Variants in SLCO3A1 observed in about 807,000 individuals in gnomAD.
SLCO3A1 encodes the protein solute carrier organic anion transporter family member 3A1, also known as PGE1 transporter.
In SLCO3A1, 27 loss-of-function variants were observed where a neutral mutation model predicts 63.1. The ratio of observed to expected loss-of-function variants is 0.43; its 90% CI spans 0.32 to 0.59. The LOEUF (loss-of-function observed/expected upper bound fraction) is 0.59. Ranked by LOEUF, SLCO3A1 falls within the 20% of genes least tolerant of loss-of-function variation. The pLI is 0.09. For synonymous variants in SLCO3A1, 473 were observed against 409.9 expected (o/e 1.15, Z -1.86); for missense variants, 773 against 945.8 (o/e 0.82, Z 2.40).
At chr15:91,919,377 G>A (rs577053567) in intron 2 of SLCO3A1, among the ~76,000 whole-genome samples, 1 of 152,330 alleles carries the variant, frequency 6.6e-6, no homozygotes, top group Non-Finnish European at 1.5e-5. Flanking sequence ...GGAGCCAAGG[G>A]AGCTCATTAC....
At chr15:92,115,703 A>T (rs16974269) in intron 4 of SLCO3A1, among the ~76,000 whole-genome samples, 27,146 of 150,338 alleles carry the variant, frequency 0.18, 3,581 homozygotes, top group East Asian at 0.68. Context: ...ATTTTATACA[A>T]CCTCATTCAG....
chr15:92,152,814 T>C (rs1455193133), intron 9 of SLCO3A1, among the ~76,000 whole-genome samples: 2 of 152,198 alleles, frequency 1.3e-5, no homozygotes, highest in Admixed American at 6.5e-5. Flanking sequence ...GTAAGTGACC[T>C]CAGCTCTGCC....
intron 2 of SLCO3A1, among the ~76,000 whole-genome samples, chr15:91,965,532 C>A (rs1031702395): frequency 6.6e-6 from 1 of 152,188 alleles, no homozygotes; most frequent in East Asian, 1.9e-4. Context: ...ACTCCCACCC[C>A]ACCCCCTAAC....
chr15:91,929,398 G>A (rs1899144071), intron 2 of SLCO3A1, among the ~76,000 whole-genome samples: 1 of 152,194 alleles, frequency 6.6e-6, no homozygotes. Flanking sequence ...TCCATCTTGG[G>A]GAGTGAAGAG....
intron 7 of SLCO3A1, among the ~76,000 whole-genome samples, chr15:92,131,177 C>G (rs546646540): frequency 8.6e-4 from 131 of 152,156 alleles, no homozygotes; most frequent in Non-Finnish European, 1.5e-3. Flanking sequence ...AATGTAGGGT[C>G]TGTCCAATGT....
Position 92,150,985 on chromosome 15 carries a change from G to T in SLCO3A1, c.1724G>T (p.Gly575Val). The T allele has an allele frequency of 6.2e-7, 1 of 1,613,230 alleles. No individual in the cohort carries two copies. The highest frequency in any genetic ancestry group is 8.5e-7 in the Non-Finnish European group (1 of 1,179,626). The change falls in exon 9 of 10, where the codon GGA (glycine) becomes GTA (valine). Residue 575 changes from glycine (G) to valine (V), a missense_variant. Transcript: ENST00000318445. ...CCTGAACTCAAGTCTTACGCTTTGG[G>T]AGTTCTTTTTCTCCTCCTTCGTTTG... ...VSPELKSYAL[G>V]VLFLLLRLLG...
intron 2 of SLCO3A1, among the ~76,000 whole-genome samples, chr15:92,093,576 C>T (rs948999338): frequency 6.6e-6 from 1 of 152,094 alleles, no homozygotes; most frequent in Non-Finnish European, 1.5e-5. Context: ...ATTTGCCTTC[C>T]TCTGTGTAGT....
intron 7 of SLCO3A1, among the ~76,000 whole-genome samples, chr15:92,139,703 A>G (rs1277859014): frequency 2.0e-5 from 3 of 152,164 alleles, no homozygotes; most frequent in Admixed American, 6.5e-5. Flanking sequence ...GTTTAGTCTC[A>G]GGAGAGTGTA....
chr15:91,861,800 T>A (rs1230364836), intron 1 of SLCO3A1, among the ~76,000 whole-genome samples: 1 of 149,058 alleles, frequency 6.7e-6, no homozygotes, highest in Non-Finnish European at 1.5e-5. Context: ...GTTTTCTTAT[T>A]TTTTTTTTTG....
chr15:92,163,150 C>T lies in SLCO3A1; in HGVS notation c.*15C>T. 1.3e-6 allele frequency: 2 copies of T among 1,495,598 alleles called. No individual in the cohort carries two copies. Among genetic ancestry groups the T allele is most frequent in the South Asian group, 1.4e-5 (1 of 71,444 alleles). The allele number at this position is 1,495,598 out of a possible 1,614,324, so 92.6% of individuals were successfully genotyped here. On this transcript the variant is annotated 3_prime_UTR_variant, in exon 10 of 10. Coordinates refer to ENST00000318445, the MANE Select transcript of SLCO3A1 (RefSeq NM_013272.4). ...CCGTTTTATAGTGACTAAAGGAGGG[C>T]TGAACTCTGTATTAGTAATCCAAGG...
chr15:91,963,412 G>GAGGT, intron 2 of SLCO3A1, among the ~76,000 whole-genome samples: 1 of 58,228 alleles, frequency 1.7e-5, no homozygotes, highest in Non-Finnish European at 3.3e-5. Context: ...GGAGGGTGGG[G>GAGGT]GGGGGGGGCG....
intron 9 of SLCO3A1, among the ~76,000 whole-genome samples, chr15:92,158,790 G>C (rs873122): frequency 0.76 from 115,970 of 152,236 alleles, 44,788 homozygotes; most frequent in African/African-American, 0.89. Context: ...CTCTGGTATT[G>C]TCCGCACACC....
At chr15:91,923,424 C>G (rs1020658862) in intron 2 of SLCO3A1, among the ~76,000 whole-genome samples, 4 of 152,206 alleles carry the variant, frequency 2.6e-5, no homozygotes. Context: ...CAGCGCTCTT[C>G]TTTTCCTGAA....
intron 1 of SLCO3A1, chr15:91,889,074 C>A (rs1897803233): frequency 6.8e-6 from 6 of 888,128 alleles, no homozygotes; most frequent in East Asian, 9.7e-5. Context: ...TAACATATAG[C>A]TAACATTTGT....
At chr15:91,878,085 C>CTTTTTT (rs757889262) in intron 1 of SLCO3A1, among the ~76,000 whole-genome samples, 1 of 119,850 alleles carries the variant, frequency 8.3e-6, no homozygotes, top group Non-Finnish European at 1.7e-5. Context: ...GGATTTAGGC[C>CTTTTTT]TTTTTTTTTT....
chr15:92,159,292 C>G (rs2048407780), intron 9 of SLCO3A1, among the ~76,000 whole-genome samples: 1 of 152,116 alleles, frequency 6.6e-6, no homozygotes, highest in African/African-American at 2.4e-5. Flanking sequence ...CGAGACCATC[C>G]TGGCCAACAT....
At chr15:92,150,211 C>T (rs142514297) in intron 8 of SLCO3A1, among the ~76,000 whole-genome samples, 1 of 152,244 alleles carries the variant, frequency 6.6e-6, no homozygotes, top group African/African-American at 2.4e-5. Context: ...AGGCTAGGCC[C>T]ATCTGGTCTT....
chr15:92,000,882 A>C (rs1189424276), intron 2 of SLCO3A1, among the ~76,000 whole-genome samples: 1 of 152,144 alleles, frequency 6.6e-6, no homozygotes, highest in Non-Finnish European at 1.5e-5. Flanking sequence ...TGCCTTGGCA[A>C]CTTGGGATGC....
chr15:91,888,709 A>G (rs1180562934), intron 1 of SLCO3A1, among the ~76,000 whole-genome samples: 1 of 152,200 alleles, frequency 6.6e-6, no homozygotes, highest in Non-Finnish European at 1.5e-5. Context: ...CTGGCTGGGT[A>G]CAGTGGCTCA....
Sources: gnomAD v4.1 joint callset for allele counts (sites outside exome capture counted in the v4.1 genomes callset) on GRCh38, gnomAD v4.1.1 for gene constraint, MANE v1.5 for transcripts, NCBI Gene and HGNC (gene_info 2026-07-23, HGNC 2026-07-21) for gene names.